The following SKOR1 variants were observed in gnomAD, a reference collection of about 807,000 sequenced individuals.
The protein encoded by SKOR1 is SKI family transcriptional corepressor 1, also known as LBX1 corepressor 1.
A neutral mutation model predicts 72.4 loss-of-function variants in SKOR1; 38 were observed. That is an observed-to-expected ratio of 0.52 (90% CI 0.40 to 0.69). The LOEUF is 0.69. Among genes scored for constraint, SKOR1 ranks in the 30% least tolerant of loss-of-function variants. The pLI, the probability that SKOR1 is intolerant of heterozygous loss-of-function variation, is 0.00. For missense variants in SKOR1, 1,320 were observed against 1,343.2 expected, an observed-to-expected ratio of 0.98 and a Z score of 0.27; for synonymous variants, 642 against 599.4, an observed-to-expected ratio of 1.07 and a Z score of -1.04.
In SKOR1 at chr15:67,827,849, C is replaced by A; in HGVS notation, c.2021C>A (p.Ala674Asp). 1 of 1,599,370 alleles carries A rather than the reference C, an allele frequency of 6.3e-7. No individual in the cohort carries two copies. Among genetic ancestry groups the A allele is most frequent in the African/African-American group, 1.3e-5 (1 of 74,942 alleles). Residue 674 changes from alanine to aspartate, a missense_variant, in exon 2 of 9, where the codon GCC becomes GAC. Physicochemically the swap from Ala to Asp is moderately radical, Grantham distance 126. This residue lies in a region of SKOR1 where 1,099 missense variants were observed against 1,025.5 expected (regional missense o/e 1.07). Transcript: ENST00000380035. ...AACCGCTTCCCCGACGACGAGGACG[C>A]CCAAGAGGAGACCGAGCCCAGCGCA... The part of the protein sequence containing the change: ...ESNRFPDDED[A>D]QEETEPSAPS...
At position 67,826,368 on chromosome 15, in the gene SKOR1, C is replaced by T; in HGVS notation, c.540C>T (p.Ala180=). 1 of 1,613,774 alleles carries T rather than the reference C, an allele frequency of 6.2e-7. No homozygotes were observed. ...HKPPKLPENF[A]FDVVHECAWG... ...CACCCAAGCTGCCCGAGAACTTCGC[C>T]TTCGATGTGGTGCACGAGTGCGCGT... Residue 180 remains alanine (A), a synonymous_variant, in exon 2 of 9, where the codon GCC becomes GCT. Transcript: ENST00000380035.
Position 67,833,162 on chromosome 15 carries a change from T to C in SKOR1, c.2738-30T>C. 1 of 1,613,748 alleles carries C rather than the reference T, an allele frequency of 6.2e-7. No homozygotes were observed. Among genetic ancestry groups the C allele is most frequent in the Non-Finnish European group, 8.5e-7 (1 of 1,179,798 alleles). ...GGCCTTTCGGAGGGTGGTCTGCGTT[T>C]CCTCACTGGCCCCTCCCCTTGTCTT... On this transcript the variant is annotated intron_variant, in intron 7 of 8. Transcript: ENST00000380035. The surrounding 1 kb of genome is among the most constrained non-coding windows in gnomAD (Gnocchi z 6.0).
In SKOR1 at chr15:67,827,356, G is replaced by A; in HGVS notation, c.1528G>A (p.Ala510Thr). 1.3e-6 allele frequency: 2 copies of A among 1,578,396 alleles called. No individual in the cohort carries two copies. The highest frequency in any genetic ancestry group is 2.2e-5 in the South Asian group (2 of 89,048). Reference protein sequence around the residue: ...VPSYPAAQSQAKAVAAAVAAA... With the variant: ...VPSYPAAQSQTKAVAAAVAAA... ...GTCCTACCCCGCTGCTCAGAGCCAA[G>A]CCAAGGCCGTGGCGGCAGCCGTGGC... The change falls in exon 2 of 9, where the codon GCC becomes ACC. Residue 510 changes from alanine (A) to threonine (T), a missense_variant. Coordinates refer to ENST00000380035, the MANE Select transcript of SKOR1 (RefSeq NM_001365915.1).
chr15:67,833,699 C>T lies in SKOR1; in HGVS notation c.2804-43C>T. ...AGGGTGGACTGCGCGGTGAGGTGAGCCTGGAGAGGCGCCCAGAGTGACCCT... is the reference window on the plus strand; with the variant it reads ...AGGGTGGACTGCGCGGTGAGGTGAGTCTGGAGAGGCGCCCAGAGTGACCCT... On this transcript the variant is annotated intron_variant, in intron 8 of 8. Coordinates refer to ENST00000380035, the MANE Select transcript of SKOR1 (RefSeq NM_001365915.1). The surrounding 1 kb of genome is among the most constrained non-coding windows in gnomAD (Gnocchi z 6.0). 6.3e-7 allele frequency: 1 copy of T among 1,593,992 alleles called. No individual in the cohort carries two copies. Among genetic ancestry groups the T allele is most frequent in the Admixed American group, 1.7e-5 (1 of 59,992 alleles).
At position 67,827,718 on chromosome 15, in the gene SKOR1, C is replaced by T; in HGVS notation, c.1890C>T (p.Ser630=). The T allele has an allele frequency of 1.3e-6, 2 of 1,542,238 alleles. No individual in the cohort carries two copies. Among genetic ancestry groups the T allele is most frequent in the South Asian group, 1.2e-5 (1 of 83,362 alleles). Reference sequence around the variant, plus strand: ...GGGGGCCGGGACCCGGCGCTGGGAGCGGCGGCTACGTGAGCCCGGACTTTC... The same window carrying T: ...GGGGGCCGGGACCCGGCGCTGGGAGTGGCGGCTACGTGAGCCCGGACTTTC... ...PARGPGPGAG[S]GGYVSPDFLS... Residue 630 remains serine, a synonymous_variant, in exon 2 of 9, where the codon AGC becomes AGT. Coordinates refer to ENST00000380035, the MANE Select transcript of SKOR1 (RefSeq NM_001365915.1).
In SKOR1 at chr15:67,833,103, C is replaced by G; in HGVS notation, c.2738-89C>G. ...GAGTTGTTTCTGCGCGGAGCTTAGC[C>G]CTGGGGAGAGGAGGAAGCCCGGGCT... On this transcript the variant is annotated intron_variant, in intron 7 of 8. Transcript: ENST00000380035. This position sits in a 1 kb window ranked among gnomAD's most constrained non-coding sequence, Gnocchi z 6.0. 7.1e-7 allele frequency: 1 copy of G among 1,402,634 alleles called. No individual in the cohort carries two copies. Among genetic ancestry groups the G allele is most frequent in the Non-Finnish European group, 1.0e-6 (1 of 997,684 alleles). 86.9% of individuals were successfully genotyped at this position (1,402,634 alleles called of 1,614,324 possible).
chr15:67,832,623 A>G lies in SKOR1; in HGVS notation c.2679A>G (p.Gln893=), dbSNP rs927882054. 4.3e-6 allele frequency: 7 copies of G among 1,614,098 alleles called. No individual in the cohort carries two copies. The highest frequency in any genetic ancestry group is 1.7e-5 in the Admixed American group (1 of 60,026). ...TTTGCACAGATAATTTTCAGGATCA[A>G]ATGAAGAGGGAATTGGCTTATCGAG... ...FQSLKDNFQD[Q]MKRELAYREE... The change falls in exon 7 of 9, where the codon CAA becomes CAG. Residue 893 remains glutamine, a synonymous_variant. Coordinates refer to ENST00000380035, the MANE Select transcript of SKOR1 (RefSeq NM_001365915.1). The surrounding 1 kb of genome is among the most constrained non-coding windows in gnomAD (Gnocchi z 4.5).
chr15:67,832,431 C>A lies in SKOR1; in HGVS notation c.2662+83C>A. 6.7e-7 allele frequency: 1 copy of A among 1,481,682 alleles called. No homozygotes were observed. The highest frequency in any genetic ancestry group is 1.1e-5 in the South Asian group (1 of 87,228). 91.8% of individuals were successfully genotyped at this position (1,481,682 alleles called of 1,614,324 possible). On this transcript the variant is annotated intron_variant, in intron 6 of 8. Transcript: ENST00000380035. This position sits in a 1 kb window ranked among gnomAD's most constrained non-coding sequence, Gnocchi z 4.5. ...CCCGACCTACTCCGAAAGCCGGGTG[C>A]CAGGCAACTGGTACTAGGTGCCCTG... is the stretch of plus-strand genomic sequence containing the variant.
Position 67,826,808 on chromosome 15 carries a change from G to A in SKOR1, c.980G>A (p.Arg327His), listed in dbSNP as rs1228086157. Residue 327 changes from arginine to histidine, a missense_variant, in exon 2 of 9, where the codon CGC becomes CAC. Transcript: ENST00000380035. ...APGPPPHKSL[R>H]CGEDEAAGPP... ...GGCCCGCCGCCCCACAAAAGCCTGC[G>A]CTGTGGCGAAGATGAGGCTGCCGGG... 4.6e-6 allele frequency: 7 copies of A among 1,530,500 alleles called. No individual in the cohort carries two copies. The highest frequency in any genetic ancestry group is 1.4e-5 in the African/African-American group (1 of 72,734). The allele number at this position is 1,530,500 out of a possible 1,614,324, so 94.8% of individuals were successfully genotyped here.
rs768411069 is a variant in SKOR1 at position 67,827,230 on chromosome 15, G to C, written c.1402G>C (p.Ala468Pro). 2 of 1,566,416 alleles carry C rather than the reference G, an allele frequency of 1.3e-6. No individual in the cohort carries two copies. The highest frequency in any genetic ancestry group is 1.7e-6 in the Non-Finnish European group (2 of 1,164,620). ...GTTCTGGGGGCATCAACCCTCCGGG[G>C]CAGCCAAGGACGCAGCGGCAGTGGC... ...AMFWGHQPSGAAKDAAAVAAA... is the reference protein window; with the variant it reads ...AMFWGHQPSGPAKDAAAVAAA... The change falls in exon 2 of 9, where the codon GCA becomes CCA. Residue 468 changes from alanine to proline, a missense_variant. Around this residue, in one of 3 missense-constraint regions of SKOR1, gnomAD observed 1,099 missense variants for 1,025.5 expected, o/e 1.07. Coordinates refer to ENST00000380035, the MANE Select transcript of SKOR1 (RefSeq NM_001365915.1).
chr15:67,827,382 G>A lies in SKOR1; in HGVS notation c.1554G>A (p.Ala518=). Reference sequence around the variant, plus strand: ...CCAAGGCCGTGGCGGCAGCCGTGGCGGCGGCAGCGGCGGCGGCAGCGGCAG... The same window carrying A: ...CCAAGGCCGTGGCGGCAGCCGTGGCAGCGGCAGCGGCGGCGGCAGCGGCAG... The part of the protein sequence containing the change: ...SQAKAVAAAV[A]AAAAAAAAAA... Residue 518 remains alanine (A), a synonymous_variant, in exon 2 of 9, where the codon GCG becomes GCA. Transcript: ENST00000380035. The A allele has an allele frequency of 6.5e-7, 1 of 1,549,538 alleles. No individual in the cohort carries two copies. The highest frequency in any genetic ancestry group is 8.6e-7 in the Non-Finnish European group (1 of 1,156,988).
Position 67,827,693 on chromosome 15 carries a change from G to T in SKOR1, c.1865G>T (p.Arg622Leu). Residue 622 changes from arginine (R) to leucine (L), a missense_variant, in exon 2 of 9, where the codon CGG becomes CTG. Arg to Leu is a moderately radical substitution (Grantham distance 102). This residue lies in a region of SKOR1 where 1,099 missense variants were observed against 1,025.5 expected (regional missense o/e 1.07). Transcript: ENST00000380035. ...AREAYGAGPA[R>L]GPGPGAGSGG... ...GAGGCGTACGGCGCGGGGCCTGCTCGGGGGCCGGGACCCGGCGCTGGGAGC... is the reference window on the plus strand; with the variant it reads ...GAGGCGTACGGCGCGGGGCCTGCTCTGGGGCCGGGACCCGGCGCTGGGAGC... 1 of 1,536,784 alleles carries T rather than the reference G, an allele frequency of 6.5e-7. No individual in the cohort carries two copies.
Position 67,832,382 on chromosome 15 carries a change from T to A in SKOR1, c.2662+34T>A, listed in dbSNP as rs199914920. The stretch of plus-strand genomic sequence containing the variant: ...TGCCATCCTGCCTCACCCCACCTCA[T>A]CACCGAGCCTTCCACCAGGGTGCCC... On this transcript the variant is annotated intron_variant, in intron 6 of 8. Transcript: ENST00000380035. The surrounding 1 kb of genome is among the most constrained non-coding windows in gnomAD (Gnocchi z 4.5). 1 of 1,609,612 alleles carries A rather than the reference T, an allele frequency of 6.2e-7. No homozygotes were observed. The highest frequency in any genetic ancestry group is 1.3e-5 in the African/African-American group (1 of 74,944).
In SKOR1 at chr15:67,833,901, G is replaced by T; in HGVS notation, c.*65G>T. 3 of 1,528,562 alleles carry T rather than the reference G, an allele frequency of 2.0e-6. No homozygotes were observed. The South Asian group carries it at 3.3e-5, about 17-fold the overall frequency. 94.7% of individuals were successfully genotyped at this position (1,528,562 alleles called of 1,614,324 possible). ...GCTCCTTGTAAATACCCGCTGCTGC[G>T]GTGGCCCTGAGCGAGGAACAAGCCA... On this transcript the variant is annotated 3_prime_UTR_variant, in exon 9 of 9. Coordinates refer to ENST00000380035, the MANE Select transcript of SKOR1 (RefSeq NM_001365915.1). The surrounding 1 kb of genome is among the most constrained non-coding windows in gnomAD (Gnocchi z 6.0).
rs993122343 is a variant in SKOR1 at position 67,825,966 on chromosome 15, G to T, written c.138G>T (p.Gln46His). ...RSGGMEALTT[Q>H]LGPGREGSSS... Reference sequence around the variant, plus strand: ...GCGGCATGGAGGCTCTCACCACTCAGCTGGGGCCGGGGCGCGAGGGCAGTT... The same window carrying T: ...GCGGCATGGAGGCTCTCACCACTCATCTGGGGCCGGGGCGCGAGGGCAGTT... Residue 46 changes from glutamine to histidine, a missense_variant, in exon 2 of 9, where the codon CAG becomes CAT. Physicochemically the swap from Gln to His is conservative, Grantham distance 24 (BLOSUM62 0). Coordinates refer to ENST00000380035, the MANE Select transcript of SKOR1 (RefSeq NM_001365915.1). The surrounding 1 kb of genome is among the most constrained non-coding windows in gnomAD (Gnocchi z 5.6). 4.6e-6 allele frequency: 7 copies of T among 1,525,826 alleles called. No individual in the cohort carries two copies. The highest frequency in any genetic ancestry group is 6.2e-6 in the Non-Finnish European group (7 of 1,137,584). 94.5% of individuals were successfully genotyped at this position (1,525,826 alleles called of 1,614,324 possible).
At position 67,827,095 on chromosome 15, in the gene SKOR1, C is replaced by G. The variant is rs370367071; in HGVS notation, c.1267C>G (p.Pro423Ala). 1.4e-6 allele frequency: 2 copies of G among 1,471,410 alleles called. No homozygotes were observed. The highest frequency in any genetic ancestry group is 1.5e-5 in the African/African-American group (1 of 67,854). 91.1% of individuals were successfully genotyped at this position (1,471,410 alleles called of 1,614,324 possible). The change falls in exon 2 of 9, where the codon CCT becomes GCT. Residue 423 changes from proline (P) to alanine (A), a missense_variant. Pro to Ala is a conservative substitution (Grantham distance 27). Coordinates refer to ENST00000380035, the MANE Select transcript of SKOR1 (RefSeq NM_001365915.1). The part of the protein sequence containing the change: ...VLGAGEPKGG[P>A]GTGSGGGGAG... Reference sequence around the variant, plus strand: ...AGGCGCGGGCGAGCCAAAGGGCGGTCCTGGCACTGGGAGCGGCGGCGGCGG... The same window carrying G: ...AGGCGCGGGCGAGCCAAAGGGCGGTGCTGGCACTGGGAGCGGCGGCGGCGG...
In SKOR1 at chr15:67,832,349, G is replaced by A; in HGVS notation, c.2662+1G>A. 1 of 1,613,992 alleles carries A rather than the reference G, an allele frequency of 6.2e-7. No homozygotes were observed. The highest frequency in any genetic ancestry group is 1.3e-5 in the African/African-American group (1 of 75,008). ...GAACGGGAATTTCAGAGTCTCAAAGGTACCCACTGCCATCCTGCCTCACCC... is the reference window on the plus strand; with the variant it reads ...GAACGGGAATTTCAGAGTCTCAAAGATACCCACTGCCATCCTGCCTCACCC... On this transcript the variant is annotated splice_donor_variant, in intron 6 of 8. Coordinates refer to ENST00000380035, the MANE Select transcript of SKOR1 (RefSeq NM_001365915.1). LOFTEE classifies it high-confidence loss of function. The surrounding 1 kb of genome is among the most constrained non-coding windows in gnomAD (Gnocchi z 4.5).
chr15:67,826,859 C>G lies in SKOR1; in HGVS notation c.1031C>G (p.Pro344Arg). The change falls in exon 2 of 9, where the codon CCG (proline) becomes CGG (arginine). Residue 344 changes from proline (P) to arginine (R), a missense_variant. Transcript: ENST00000380035. Reference sequence around the variant, plus strand: ...CCTCCGGGGCCACCTCCACCCCACCCGCAGCGCGGACTTGGCCTGGCGACT... The same window carrying G: ...CCTCCGGGGCCACCTCCACCCCACCGGCAGCGCGGACTTGGCCTGGCGACT... ...AGPPGPPPPHPQRGLGLATGA... is the reference protein window; with the variant it reads ...AGPPGPPPPHRQRGLGLATGA... The G allele has an allele frequency of 6.5e-7, 1 of 1,529,926 alleles. No homozygotes were observed. 94.8% of individuals were successfully genotyped at this position (1,529,926 alleles called of 1,614,324 possible).
Position 67,829,257 on chromosome 15 carries a change from C to T in SKOR1, c.2395C>T (p.Pro799Ser), listed in dbSNP as rs2090989958. The T allele has an allele frequency of 1.9e-6, 3 of 1,557,324 alleles. No individual in the cohort carries two copies. The highest frequency in any genetic ancestry group is 3.7e-5 in the Admixed American group (2 of 54,278). Residue 799 changes from proline (P) to serine (S), a missense_variant, in exon 3 of 9, where the codon CCC (proline) becomes TCC (serine). By Grantham distance (74) the Pro-to-Ser change is moderately conservative (BLOSUM62 -1). This residue lies in a region of SKOR1 where 1,099 missense variants were observed against 1,025.5 expected (regional missense o/e 1.07). Transcript: ENST00000380035. Reference sequence around the variant, plus strand: ...GCCCGCGGCCTCCTACGTCTGCACCCCCGAGGCCCACGGTAACGCCTGTCG... The same window carrying T: ...GCCCGCGGCCTCCTACGTCTGCACCTCCGAGGCCCACGGTAACGCCTGTCG... ...LGPAASYVCTPEAHEPDKEDN... is the reference protein window; with the variant it reads ...LGPAASYVCTSEAHEPDKEDN...
Sources: allele counts gnomAD v4.1 joint callset, GRCh38; gene constraint gnomAD v4.1.1; regional missense constraint gnomAD v4.1.1; non-coding constraint Gnocchi (gnomAD v3.1); transcripts MANE v1.5; gene names NCBI Gene and HGNC (gene_info 2026-07-23, HGNC 2026-07-21).